NPFFR2: variants seen among roughly 807,000 people sequenced by gnomAD.
NPFFR2 encodes G-protein coupled receptor 74.
Under a neutral mutation model 13.1 loss-of-function variants are expected in NPFFR2, and 15 were observed. The ratio of observed to expected loss-of-function variants is 1.15; its 90% confidence interval spans 0.77 to 1.76. NPFFR2 has a LOEUF of 1.76. Among genes scored for constraint, NPFFR2 ranks in the 40% most tolerant of loss-of-function variants. The pLI is 0.00. For synonymous variants in NPFFR2, 190 were observed against 175.7 expected (o/e 1.08, Z -0.65); for missense variants, 572 against 503.5 (o/e 1.14, Z -1.30).
At position 72,128,920 on chromosome 4, in the gene NPFFR2, G is replaced by T. The variant is rs756907832; in HGVS notation, c.328+1G>T. ...ACACTGCTGGACAATATTATAGCAG[G>T]TATGTTGGCTTTTGTGCAGTTTGAA... On this transcript the variant is annotated splice_donor_variant, in intron 2 of 3. Coordinates refer to ENST00000308744, the MANE Select transcript of NPFFR2 (RefSeq NM_004885.3). LOFTEE classifies it high-confidence loss of function. 3.8e-6 allele frequency: 6 copies of T among 1,595,418 alleles called. No individual in the cohort carries two copies. The highest frequency in any genetic ancestry group is 2.2e-5 in the East Asian group (1 of 44,548).
intron 1 of NPFFR2, among the ~76,000 whole-genome samples, chr4:72,073,048 A>G (rs543745003): frequency 1.3e-5 from 2 of 152,096 alleles, no homozygotes; most frequent in Non-Finnish European, 2.9e-5. Context: ...AAAATGATTC[A>G]ACTATATGCC....
chr4:72,097,984 T>G (rs1413457788), intron 1 of NPFFR2, among the ~76,000 whole-genome samples: 1 of 151,884 alleles, frequency 6.6e-6, no homozygotes, highest in Non-Finnish European at 1.5e-5. Flanking sequence ...AAATTTTTTC[T>G]CTATCTTAAT....
chr4:72,040,220 A>AT (rs1454476040), intron 1 of NPFFR2, among the ~76,000 whole-genome samples: 3 of 151,948 alleles, frequency 2.0e-5, no homozygotes, highest in Non-Finnish European at 4.4e-5. Flanking sequence ...GATTAATATG[A>AT]TTTTTTCTTA....
intron 1 of NPFFR2, among the ~76,000 whole-genome samples, chr4:72,065,068 A>G (rs2109778246): frequency 6.6e-6 from 1 of 152,202 alleles, no homozygotes; most frequent in East Asian, 1.9e-4. Context: ...CTGAAATAAA[A>G]CAACCAGCAC....
At chr4:72,040,300 G>T (rs1002050145) in intron 1 of NPFFR2, among the ~76,000 whole-genome samples, 2 of 152,082 alleles carry the variant, frequency 1.3e-5, no homozygotes, top group Non-Finnish European at 2.9e-5. Context: ...TTTAGCATGG[G>T]TTTTTAATTC....
At chr4:72,077,254 T>C (rs925632536) in intron 1 of NPFFR2, among the ~76,000 whole-genome samples, 2 of 152,178 alleles carry the variant, frequency 1.3e-5, no homozygotes, top group Non-Finnish European at 2.9e-5. Flanking sequence ...ATATTGGGGA[T>C]TTTTGTTGGC....
intron 3 of NPFFR2, among the ~76,000 whole-genome samples, chr4:72,141,599 A>G (rs1722626335): frequency 6.6e-6 from 1 of 151,972 alleles, no homozygotes; most frequent in South Asian, 2.1e-4. Flanking sequence ...CTGAGTTCTA[A>G]TTTGATTGCA....
rs2109757831 is a variant in NPFFR2, at chr4:72,043,669, G to A, written c.-8+11469G>A. Among the ~76,000 whole-genome samples, 3 of 152,356 alleles carry A rather than the reference G, an allele frequency of 2.0e-5. No homozygotes were observed. The Middle Eastern group carries it at 0.01, about 518-fold the overall frequency. On this transcript the variant is annotated intron_variant, in intron 1 of 3. Coordinates refer to ENST00000308744, the MANE Select transcript of NPFFR2 (RefSeq NM_004885.3). ...TTGTTTTCACTAATTTATCCCATGT[G>A]AAATGGTGTATCTACCCAATGCCTG...
intron 1 of NPFFR2, among the ~76,000 whole-genome samples, chr4:72,069,861 T>C (rs1720194347): frequency 6.6e-6 from 1 of 152,108 alleles, no homozygotes; most frequent in African/African-American, 2.4e-5. Flanking sequence ...CTATATCAGA[T>C]TGGTAAATAT....
chr4:72,093,820 CTT>C (rs1403221175), intron 1 of NPFFR2, among the ~76,000 whole-genome samples: 2,377 of 129,464 alleles, frequency 0.018, 40 homozygotes, highest in African/African-American at 0.05. Flanking sequence ...CTTCTGAATT[CTT>C]TTTTTTTTTT....
At chr4:72,141,979 C>G (rs1722640689) in intron 3 of NPFFR2, among the ~76,000 whole-genome samples, 1 of 152,144 alleles carries the variant, frequency 6.6e-6, no homozygotes, top group South Asian at 2.1e-4. Flanking sequence ...ATCGTTATTT[C>G]TTATTGTTGA....
At chr4:72,141,278 T>A (rs1722614270) in intron 3 of NPFFR2, among the ~76,000 whole-genome samples, 1 of 152,168 alleles carries the variant, frequency 6.6e-6, no homozygotes, top group South Asian at 2.1e-4. Flanking sequence ...GCTCTGATCT[T>A]AGTTAGTTCT....
rs1395070431 is a variant in NPFFR2, at chr4:72,100,015, TTTAAA to T, written c.-7-28566_-7-28562del. On this transcript the variant is annotated intron_variant, in intron 1 of 3. Coordinates refer to ENST00000308744, the MANE Select transcript of NPFFR2 (RefSeq NM_004885.3). The stretch of plus-strand genomic sequence containing the variant: ...CTAAAAATCATTTTGTACATTAATG[TTTAAA>T]TTATAGCTTCATATTTGATATAAAA... Among the ~76,000 whole-genome samples, 4 of 152,278 alleles carry T rather than the reference TTTAAA, an allele frequency of 2.6e-5. 1 individual carries two copies. Among genetic ancestry groups the T allele is most frequent in the Non-Finnish European group, 5.9e-5 (4 of 68,018 alleles).
At chr4:72,137,981 A>AT in intron 2 of NPFFR2, 59 bp from the exon 3 acceptor site, 1 of 1,327,142 alleles carries the variant, frequency 7.5e-7, no homozygotes, top group Non-Finnish European at 1.1e-6. Flanking sequence ...TTCTATTTTC[A>AT]TTTTCAGTGA....
intron 1 of NPFFR2, among the ~76,000 whole-genome samples, chr4:72,051,665 A>G (rs1314807422): frequency 6.6e-6 from 1 of 152,038 alleles, no homozygotes; most frequent in Non-Finnish European, 1.5e-5. Context: ...TGAAGGAAAT[A>G]GAGACACAAA....
At chr4:72,066,631 G>T (rs1247933678) in intron 1 of NPFFR2, among the ~76,000 whole-genome samples, 1 of 57,904 alleles carries the variant, frequency 1.7e-5, no homozygotes, top group Non-Finnish European at 5.3e-5. Flanking sequence ...CAAGTTAGAT[G>T]TTTCTGTTCC....
intron 1 of NPFFR2, among the ~76,000 whole-genome samples, chr4:72,111,167 TGAGAG>T (rs1721555968): frequency 7.0e-6 from 1 of 143,026 alleles, no homozygotes; most frequent in African/African-American, 3.0e-5. Context: ...TTAATTCTTA[TGAGAG>T]GAGAAGCTTT....
intron 1 of NPFFR2, among the ~76,000 whole-genome samples, chr4:72,073,375 A>G (rs371165937): frequency 5.9e-5 from 9 of 152,030 alleles, no homozygotes; most frequent in East Asian, 1.9e-4. Flanking sequence ...TGGCAAAACT[A>G]TCTTTCAAAA....
chr4:72,061,531 T>C (rs527944995), intron 1 of NPFFR2, among the ~76,000 whole-genome samples: 2 of 152,292 alleles, frequency 1.3e-5, no homozygotes, highest in East Asian at 3.9e-4. Context: ...TGTGCCTCAG[T>C]TGTGACAGTT....
Sources: allele counts gnomAD v4.1 joint callset (sites outside exome capture counted in the v4.1 genomes callset), GRCh38; gene constraint gnomAD v4.1.1; transcripts MANE v1.5; gene names NCBI Gene and HGNC (gene_info 2026-07-23, HGNC 2026-07-21).